Variants in STX8 observed in about 807,000 individuals in gnomAD.
STX8 encodes the protein syntaxin-8.
A neutral mutation model predicts 37.5 loss-of-function variants in STX8; 23 were observed. The ratio of observed to expected loss-of-function variants is 0.61; its 90% CI spans 0.44 to 0.87. The LOEUF is 0.87. STX8 is among the 40% of genes least tolerant of loss of function. The pLI is 0.00. For synonymous variants in STX8, 115 were observed against 99.1 expected, an observed-to-expected ratio of 1.16 and a Z score of -0.95; for missense variants, 313 against 284.7, an observed-to-expected ratio of 1.10 and a Z score of -0.71.
In STX8 at chr17:9,366,893, C is replaced by T. The variant is rs530752468; in HGVS notation, c.643+11659G>A. ...TGGCGGGATAAATCTTGACATAATG[C>T]TGGGTCACAGAAGTCAAGGAAGAAG... On this transcript the variant is annotated intron_variant, in intron 7 of 7. Transcript: ENST00000306357. Among the ~76,000 whole-genome samples, 3 of 152,192 alleles carry T rather than the reference C, an allele frequency of 2.0e-5. No homozygotes were observed. In the East Asian group the frequency reaches 5.8e-4, roughly 29 times the overall value.
At chr17:9,250,985 A>C (rs1370406328) in intron 7 of STX8, among the ~76,000 whole-genome samples, 1 of 152,116 alleles carries the variant, frequency 6.6e-6, no homozygotes, top group African/African-American at 2.4e-5. Flanking sequence ...CTCACTACCC[A>C]ATCAGATTAT....
At position 9,575,818 on chromosome 17, in the gene STX8, T is replaced by G. The variant is rs774844698; in HGVS notation, c.-10A>C. 9.8e-6 allele frequency: 15 copies of G among 1,535,582 alleles called. No homozygotes were observed. The African/African-American group carries it at 2.1e-4, about 21-fold the overall frequency. Reference sequence around the variant, plus strand: ...AGGGGTCCGGTGCCATCCTGCAGACTCCGCCCGCCGCTCGGACTCTTCCTG... The same window carrying G: ...AGGGGTCCGGTGCCATCCTGCAGACGCCGCCCGCCGCTCGGACTCTTCCTG... On this transcript the variant is annotated 5_prime_UTR_variant, in exon 1 of 8. Coordinates refer to ENST00000306357, the MANE Select transcript of STX8 (RefSeq NM_004853.3).
intron 5 of STX8, among the ~76,000 whole-genome samples, chr17:9,495,786 A>G (rs575027400): frequency 4.0e-4 from 61 of 152,360 alleles, no homozygotes; most frequent in African/African-American, 1.4e-3. Flanking sequence ...CACATTCATA[A>G]CCTGGGCTTC....
chr17:9,344,388 G>T (rs1910467371), intron 7 of STX8, among the ~76,000 whole-genome samples: 1 of 151,996 alleles, frequency 6.6e-6, no homozygotes, highest in South Asian at 2.1e-4. Flanking sequence ...AGCCTCCCGA[G>T]TAGTTGGGAT....
At chr17:9,522,091 TCA>T (rs1257490954) in intron 4 of STX8, among the ~76,000 whole-genome samples, 3 of 152,008 alleles carry the variant, frequency 2.0e-5, no homozygotes, top group Non-Finnish European at 4.4e-5. Context: ...CTCCTGAGAG[TCA>T]CACAGGCCAT....
chr17:9,256,233 C>CCT (rs978587233), intron 7 of STX8, among the ~76,000 whole-genome samples: 7 of 151,912 alleles, frequency 4.6e-5, no homozygotes, highest in Admixed American at 4.6e-4. Flanking sequence ...GGGTAGGACC[C>CCT]CTCTGCCCAC....
At chr17:9,340,041 G>T (rs189955053) in intron 7 of STX8, among the ~76,000 whole-genome samples, 1 of 152,370 alleles carries the variant, frequency 6.6e-6, no homozygotes, top group Admixed American at 6.5e-5. Context: ...TCCTCCCATA[G>T]CACAGCATTG....
At chr17:9,361,200 A>C (rs544204782) in intron 7 of STX8, among the ~76,000 whole-genome samples, 2 of 152,330 alleles carry the variant, frequency 1.3e-5, no homozygotes, top group Admixed American at 1.3e-4. Context: ...CCTAGAGCTG[A>C]TTAAAGAAAA....
chr17:9,455,316 G>A (rs1340730067), intron 6 of STX8, among the ~76,000 whole-genome samples: 2 of 151,802 alleles, frequency 1.3e-5, no homozygotes, highest in African/African-American at 2.4e-5. Context: ...TGCCTAACAC[G>A]GTGAAACCCC....
chr17:9,561,664 C>CAAAAA (rs11353116), intron 2 of STX8, among the ~76,000 whole-genome samples: 190 of 66,586 alleles, frequency 2.9e-3, no homozygotes, highest in African/African-American at 3.6e-3. Flanking sequence ...TCCATCTGGC[C>CAAAAA]AAAAAAAAAA....
rs560612304 is a variant in STX8, at chr17:9,571,340, G to A, written c.18-2870C>T. Among the ~76,000 whole-genome samples, 76 of 152,238 alleles carry A rather than the reference G, an allele frequency of 5.0e-4. No homozygotes were observed. In the South Asian group the frequency reaches 0.011, roughly 21 times the overall value. ...AACTGGTATGGGGTTTGTCCTGGGC[G>A]TGCGTGGGGAGCTTTAAAAGCTCTC... On this transcript the variant is annotated intron_variant, in intron 1 of 7. Coordinates refer to ENST00000306357, the MANE Select transcript of STX8 (RefSeq NM_004853.3).
chr17:9,488,821 A>AGAGTGT lies in STX8; in HGVS notation c.541+3007_541+3008insACACTC, dbSNP rs563653738. 4.4e-3 allele frequency among the ~76,000 whole-genome samples: 634 copies of AGAGTGT among 143,986 alleles called. 8 individuals carry two copies. The highest frequency in any genetic ancestry group is 0.013 in the African/African-American group (505 of 38,880). The allele number at this position is 143,986 out of a possible 152,430, so 94.5% of individuals were successfully genotyped here. On this transcript the variant is annotated intron_variant, in intron 6 of 7. Transcript: ENST00000306357. ...GAGAAAGAGAGAGAGAGAGAGAGAGAGTGTGTGTGTGTGTGTGTGTGTGTG... is the reference window on the plus strand; with the variant it reads ...GAGAAAGAGAGAGAGAGAGAGAGAGAGAGTGTGTGTGTGTGTGTGTGTGTGTGTGTG...
At chr17:9,331,059 C>T (rs1909947001) in intron 7 of STX8, among the ~76,000 whole-genome samples, 2 of 152,196 alleles carry the variant, frequency 1.3e-5, no homozygotes, top group Admixed American at 1.3e-4. Context: ...AAACAGGAAA[C>T]AAAGGGACTT....
intron 6 of STX8, among the ~76,000 whole-genome samples, chr17:9,409,090 G>A (rs1456871022): frequency 5.6e-5 from 6 of 107,254 alleles, no homozygotes; most frequent in Admixed American, 4.3e-4. Context: ...CCCTGCCCCC[G>A]CCCCCACCAG....
intron 6 of STX8, among the ~76,000 whole-genome samples, chr17:9,401,549 G>A (rs1331349194): frequency 6.6e-6 from 1 of 152,142 alleles, no homozygotes; most frequent in Admixed American, 6.5e-5. Context: ...AAGTGCTAGG[G>A]CAGGAGAAGA....
intron 6 of STX8, among the ~76,000 whole-genome samples, chr17:9,488,511 G>A (rs530121856): frequency 1.3e-5 from 2 of 152,236 alleles, no homozygotes; most frequent in African/African-American, 4.8e-5. Flanking sequence ...ATCTGGGTGG[G>A]CCCAATGTCA....
intron 7 of STX8, among the ~76,000 whole-genome samples, chr17:9,341,108 G>A (rs1228910918): frequency 2.0e-5 from 3 of 151,522 alleles, no homozygotes; most frequent in Non-Finnish European, 2.9e-5. Context: ...AAAGTATCAT[G>A]TGGAAAGTCG....
At chr17:9,550,902 C>T (rs1156279897) in intron 3 of STX8, among the ~76,000 whole-genome samples, 1 of 152,120 alleles carries the variant, frequency 6.6e-6, no homozygotes, top group African/African-American at 2.4e-5. Flanking sequence ...TGGCAAAACC[C>T]CATCTCTACC....
chr17:9,336,482 C>A (rs1009259760), intron 7 of STX8, among the ~76,000 whole-genome samples: 3 of 151,860 alleles, frequency 2.0e-5, no homozygotes, highest in Non-Finnish European at 4.4e-5. Flanking sequence ...GTGTCCCAGG[C>A]TGGAGTGCAG....
Sources: allele counts gnomAD v4.1 joint callset (sites outside exome capture counted in the v4.1 genomes callset), GRCh38; gene constraint gnomAD v4.1.1; transcripts MANE v1.5; gene names NCBI Gene and HGNC (gene_info 2026-07-23, HGNC 2026-07-21).